Variants in PRKG1 observed in about 807,000 individuals in gnomAD.
PRKG1 encodes protein kinase cGMP-dependent 1, also known as cGMP-dependent protein kinase 1.
A neutral mutation model predicts 88.1 loss-of-function variants in PRKG1; 35 were observed. That is an observed-to-expected ratio of 0.40 (90% CI 0.30 to 0.53). The LOEUF (loss-of-function observed/expected upper bound fraction) is 0.53, where lower values mean the gene tolerates loss of function less well. Among genes scored for constraint, PRKG1 ranks in the 20% least tolerant of loss-of-function variants. PRKG1 has a pLI of 0.59. For missense variants in PRKG1, 540 were observed against 839.8 expected (o/e 0.64, Z 4.41); for synonymous variants, 303 against 292.5 (o/e 1.04, Z -0.37).
At chr10:51,017,960 G>A (rs538399762) in intron 1 of PRKG1, among the ~76,000 whole-genome samples, 20 of 151,908 alleles carry the variant, frequency 1.3e-4, no homozygotes, top group African/African-American at 4.8e-4. Context: ...GACCACAGGT[G>A]CATGCCACCA....
chr10:51,870,414 C>T lies in PRKG1; in HGVS notation c.699-37093C>T, dbSNP rs80035520. Among the ~76,000 whole-genome samples, 895 of 145,640 alleles carry T rather than the reference C, an allele frequency of 6.1e-3. 2 individuals carry two copies. Among genetic ancestry groups the T allele is most frequent in the South Asian group, 0.015 (72 of 4,786 alleles). On this transcript the variant is annotated intron_variant, in intron 4 of 17. Coordinates refer to ENST00000373980, the MANE Select transcript of PRKG1 (RefSeq NM_006258.4). ...TTCTGATTTCTCCTCTTCCTTTCAC[C>T]GTCCATCTGCTTGGCCATTTTGTCC...
intron 2 of PRKG1, among the ~76,000 whole-genome samples, chr10:51,402,851 G>A (rs1588920831): frequency 6.6e-6 from 1 of 152,318 alleles, no homozygotes; most frequent in South Asian, 2.1e-4. Context: ...TTTTAGGAGT[G>A]CCTGGCTTAC....
chr10:51,732,412 T>C (rs945294710), intron 3 of PRKG1, among the ~76,000 whole-genome samples: 2 of 152,248 alleles, frequency 1.3e-5, no homozygotes, highest in South Asian at 2.1e-4. Flanking sequence ...TAAATAAACA[T>C]ATATTAAGCA....
intron 9 of PRKG1, among the ~76,000 whole-genome samples, chr10:52,206,488 C>A (rs1351255461): frequency 1.3e-5 from 2 of 152,168 alleles, no homozygotes; most frequent in Non-Finnish European, 2.9e-5. Flanking sequence ...GACATTCTGG[C>A]TTTTTGAGTT....
intron 9 of PRKG1, among the ~76,000 whole-genome samples, chr10:52,198,719 C>T (rs1412663420): frequency 1.3e-5 from 2 of 151,974 alleles, no homozygotes; most frequent in African/African-American, 4.8e-5. Flanking sequence ...CAAGTTCTCT[C>T]CTCTTCAGAT....
At chr10:51,881,668 A>AT (rs1187200414) in intron 4 of PRKG1, among the ~76,000 whole-genome samples, 4 of 152,200 alleles carry the variant, frequency 2.6e-5, no homozygotes, top group Non-Finnish European at 5.9e-5. Context: ...GACACCATCT[A>AT]TTTTTAGGAG....
intron 3 of PRKG1, among the ~76,000 whole-genome samples, chr10:51,606,704 A>G (rs931642106): frequency 2.6e-5 from 4 of 152,052 alleles, no homozygotes; most frequent in African/African-American, 9.7e-5. Flanking sequence ...CTAGAGGGAG[A>G]TGTTTTATTT....
At chr10:51,009,312 A>G (rs1842968875) in intron 1 of PRKG1, among the ~76,000 whole-genome samples, 1 of 152,224 alleles carries the variant, frequency 6.6e-6, no homozygotes, top group South Asian at 2.1e-4. Context: ...TGCCAATTAA[A>G]TTATACATTT....
In PRKG1 at chr10:52,293,904, A is replaced by G. The variant is rs1209004718; in HGVS notation, c.*4A>G. On this transcript the variant is annotated 3_prime_UTR_variant, in exon 18 of 18. Coordinates refer to ENST00000373980, the MANE Select transcript of PRKG1 (RefSeq NM_006258.4). ...AGGATGGGATATAGACTTCTAATGT[A>G]TTTCTCTTACCTGCTTCTGCCTTGC... The G allele has an allele frequency of 5.0e-6, 8 of 1,603,104 alleles. No homozygotes were observed. The South Asian group carries it at 8.8e-5, about 18-fold the overall frequency.
chr10:51,065,165 C>G (rs1434465237), intron 1 of PRKG1, among the ~76,000 whole-genome samples: 1 of 151,940 alleles, frequency 6.6e-6, no homozygotes, highest in Admixed American at 6.6e-5. Flanking sequence ...GTAAAGAAGG[C>G]CAACTCCAAA....
At chr10:51,632,214 T>C (rs193250217) in intron 3 of PRKG1, among the ~76,000 whole-genome samples, 18 of 152,212 alleles carry the variant, frequency 1.2e-4, no homozygotes, top group African/African-American at 4.1e-4. Flanking sequence ...AAAGATTGGA[T>C]ACCCCTGATC....
At chr10:52,047,504 A>G (rs1369259045) in intron 5 of PRKG1, among the ~76,000 whole-genome samples, 1 of 152,162 alleles carries the variant, frequency 6.6e-6, no homozygotes, top group African/African-American at 2.4e-5. Context: ...ATTCCAAACC[A>G]CCAAAATCTA....
chr10:51,047,610 T>C (rs1452330743), intron 1 of PRKG1, among the ~76,000 whole-genome samples: 2 of 129,864 alleles, frequency 1.5e-5, no homozygotes, highest in Non-Finnish European at 3.3e-5. Context: ...ATATCTGTTA[T>C]TATTTCCAAA....
chr10:51,854,553 G>A (rs551164983), intron 4 of PRKG1, among the ~76,000 whole-genome samples: 3 of 152,132 alleles, frequency 2.0e-5, no homozygotes, highest in African/African-American at 7.2e-5. Flanking sequence ...AAATCACAAG[G>A]CAGATCTCTA....
chr10:51,557,221 T>A (rs187696913), intron 3 of PRKG1, among the ~76,000 whole-genome samples: 1 of 152,080 alleles, frequency 6.6e-6, no homozygotes, highest in African/African-American at 2.4e-5. Flanking sequence ...ATATTGCAGA[T>A]TAAGAAATGC....
intron 2 of PRKG1, among the ~76,000 whole-genome samples, chr10:51,288,903 T>C (rs543101344): frequency 6.6e-6 from 1 of 152,294 alleles, no homozygotes; most frequent in Admixed American, 6.5e-5. Flanking sequence ...GGTGTTTCTA[T>C]ATTCATGTGT....
chr10:51,984,267 T>G (rs1397540776), intron 5 of PRKG1, among the ~76,000 whole-genome samples: 2 of 152,220 alleles, frequency 1.3e-5, no homozygotes, highest in African/African-American at 4.8e-5. Flanking sequence ...AATTCAAAAT[T>G]CGTGTAATTC....
Position 51,679,927 on chromosome 10 carries a change from C to G in PRKG1, c.593-124658C>G, listed in dbSNP as rs913775325. ...TGTGATATAACTTAAGGCCAATTAACGGGAACTTCCTAAAGCTAAACCAAA... is the reference window on the plus strand; with the variant it reads ...TGTGATATAACTTAAGGCCAATTAAGGGGAACTTCCTAAAGCTAAACCAAA... On this transcript the variant is annotated intron_variant, in intron 3 of 17. Transcript: ENST00000373980. 2.3e-5 allele frequency among the ~76,000 whole-genome samples: 3 copies of G among 132,058 alleles called. No homozygotes were observed. The South Asian group carries it at 7.3e-4, about 32-fold the overall frequency. 86.6% of individuals were successfully genotyped at this position (132,058 alleles called of 152,430 possible). A position where few individuals can be genotyped will look rare whatever the true frequency, so the allele number is the denominator to read the frequency against.
intron 5 of PRKG1, among the ~76,000 whole-genome samples, chr10:51,960,229 C>G (rs1385649317): frequency 6.6e-6 from 1 of 151,546 alleles, no homozygotes; most frequent in Non-Finnish European, 1.5e-5. Flanking sequence ...ACTTTAGAAC[C>G]TCTGAACTCA....
Sources: gnomAD v4.1 joint callset for allele counts (sites outside exome capture counted in the v4.1 genomes callset) on GRCh38, gnomAD v4.1.1 for gene constraint, MANE v1.5 for transcripts, NCBI Gene and HGNC (gene_info 2026-07-23, HGNC 2026-07-21) for gene names.